Variants in CNTNAP4 observed in about 807,000 individuals in gnomAD.
CNTNAP4 encodes contactin-associated protein-like 4.
A neutral mutation model predicts 148.4 loss-of-function variants in CNTNAP4; 98 were observed. That is an observed-to-expected ratio of 0.66 (90% confidence interval 0.56 to 0.78). The LOEUF (loss-of-function observed/expected upper bound fraction) is 0.78, where lower values mean the gene tolerates loss of function less well. Among genes scored for constraint, CNTNAP4 ranks in the 30% least tolerant of loss-of-function variants. CNTNAP4 has a pLI of 0.00. For missense variants in CNTNAP4, 1,935 were observed against 1,565.6 expected, an observed-to-expected ratio of 1.24 and a Z score of -3.98; for synonymous variants, 730 against 565.1, an observed-to-expected ratio of 1.29 and a Z score of -4.14.
chr16:76,427,239 T>C (rs1597499072), intron 3 of CNTNAP4, among the ~76,000 whole-genome samples: 1 of 152,312 alleles, frequency 6.6e-6, no homozygotes, highest in East Asian at 1.9e-4. Flanking sequence ...TGGTAGAATT[T>C]AAACTCTCTT....
In CNTNAP4 at chr16:76,288,105, C is replaced by T. The variant is rs191284480; in HGVS notation, c.85+10358C>T. ...GGTGGAGATAATTGAACCATGGGGG[C>T]GGTTGTCCCCATACTGTTCTTGTTA... On this transcript the variant is annotated intron_variant, in intron 1 of 23. Coordinates refer to ENST00000611870, the MANE Select transcript of CNTNAP4 (RefSeq NM_033401.5). 7.9e-5 allele frequency among the ~76,000 whole-genome samples: 12 copies of T among 152,084 alleles called. No individual in the cohort carries two copies. In the East Asian group the frequency reaches 9.7e-4, roughly 12 times the overall value.
chr16:76,405,017 AATAG>A (rs199972458), intron 3 of CNTNAP4, among the ~76,000 whole-genome samples: 4,573 of 152,204 alleles, frequency 0.03, 217 homozygotes, highest in African/African-American at 0.1. Flanking sequence ...GTAACCTTAA[AATAG>A]ATAAATTCAA....
chr16:76,453,573 A>T (rs928812711), intron 8 of CNTNAP4, among the ~76,000 whole-genome samples: 1 of 152,214 alleles, frequency 6.6e-6, no homozygotes, highest in African/African-American at 2.4e-5. Context: ...TTACTACATT[A>T]ATTTAATAAA....
At chr16:76,382,023 T>C (rs995595911) in intron 3 of CNTNAP4, among the ~76,000 whole-genome samples, 1 of 123,660 alleles carries the variant, frequency 8.1e-6, no homozygotes, top group Non-Finnish European at 1.6e-5. Flanking sequence ...ATCGCGCCAC[T>C]GCGCTCTAGC....
chr16:76,280,829 A>G (rs1455632569), intron 1 of CNTNAP4, among the ~76,000 whole-genome samples: 2 of 152,086 alleles, frequency 1.3e-5, no homozygotes, highest in Non-Finnish European at 2.9e-5. Context: ...TTATAAATCC[A>G]GTTTTTGAAC....
intron 3 of CNTNAP4, among the ~76,000 whole-genome samples, chr16:76,423,445 T>C (rs1365137538): frequency 1.3e-5 from 2 of 152,144 alleles, no homozygotes; most frequent in Non-Finnish European, 2.9e-5. Context: ...TGACATATAC[T>C]AAAGTTCTGA....
At chr16:76,332,484 G>A (rs2144261373) in intron 2 of CNTNAP4, among the ~76,000 whole-genome samples, 1 of 152,092 alleles carries the variant, frequency 6.6e-6, no homozygotes, top group African/African-American at 2.4e-5. Context: ...GGCTGGTCTT[G>A]AACTCTTGGG....
At chr16:76,481,004 T>C (rs893825014) in intron 12 of CNTNAP4, among the ~76,000 whole-genome samples, 2 of 152,202 alleles carry the variant, frequency 1.3e-5, no homozygotes, top group African/African-American at 2.4e-5. Context: ...ATTATACTGA[T>C]TGGCTACGTA....
chr16:76,392,836 C>T (rs1190585064), intron 3 of CNTNAP4, among the ~76,000 whole-genome samples: 2 of 152,178 alleles, frequency 1.3e-5, no homozygotes, highest in Admixed American at 1.3e-4. Flanking sequence ...TCCCGAGTCT[C>T]ACAGCTTGAA....
intron 11 of CNTNAP4, among the ~76,000 whole-genome samples, chr16:76,478,694 G>A (rs541274014): frequency 3.5e-4 from 54 of 152,172 alleles, no homozygotes; most frequent in African/African-American, 1.3e-3. Context: ...GGCAAATTTA[G>A]GATTACATAA....
At chr16:76,381,192 A>G (rs1387592641) in intron 3 of CNTNAP4, among the ~76,000 whole-genome samples, 1 of 152,178 alleles carries the variant, frequency 6.6e-6, no homozygotes, top group East Asian at 1.9e-4. Context: ...AAAGATGAGA[A>G]TCTTTCTGTG....
intron 2 of CNTNAP4, among the ~76,000 whole-genome samples, chr16:76,352,330 G>A (rs1482431134): frequency 6.6e-6 from 1 of 152,138 alleles, no homozygotes; most frequent in Non-Finnish European, 1.5e-5. Flanking sequence ...TCCATCATGT[G>A]CCTATACTTC....
chr16:76,418,567 C>T (rs1288758279), intron 3 of CNTNAP4, among the ~76,000 whole-genome samples: 1 of 151,604 alleles, frequency 6.6e-6, no homozygotes, highest in African/African-American at 2.4e-5. Flanking sequence ...GAGTTTTCAT[C>T]TCTCGATTAC....
intron 1 of CNTNAP4, among the ~76,000 whole-genome samples, chr16:76,296,163 A>G (rs574736131): frequency 2.6e-5 from 4 of 152,350 alleles, no homozygotes; most frequent in East Asian, 3.9e-4. Context: ...AGGCTGATAC[A>G]AAATGTTTTC....
Position 76,449,664 on chromosome 16 carries a change from A to T in CNTNAP4, c.928-51A>T, listed in dbSNP as rs963137057. ...ATACTTGCTAATCATAATTAAGCAG[A>T]TTTTTAGAAAATCACTAAACAATAT... On this transcript the variant is annotated intron_variant, in intron 6 of 23. Coordinates refer to ENST00000611870, the MANE Select transcript of CNTNAP4 (RefSeq NM_033401.5). 13 of 1,474,874 alleles carry T rather than the reference A, an allele frequency of 8.8e-6. No individual in the cohort carries two copies. In the South Asian group the frequency reaches 1.8e-4, roughly 20 times the overall value. 91.4% of individuals were successfully genotyped at this position (1,474,874 alleles called of 1,614,324 possible).
At chr16:76,413,072 A>C (rs893078139) in intron 3 of CNTNAP4, among the ~76,000 whole-genome samples, 4 of 151,422 alleles carry the variant, frequency 2.6e-5, no homozygotes, top group Non-Finnish European at 5.9e-5. Context: ...GGATGGGGTT[A>C]TCCATTCCCT....
intron 3 of CNTNAP4, among the ~76,000 whole-genome samples, chr16:76,422,381 A>G (rs1234702454): frequency 2.0e-5 from 3 of 151,866 alleles, no homozygotes; most frequent in East Asian, 1.9e-4. Context: ...TGACTCCAAT[A>G]ATTTTGGGAA....
chr16:76,475,374 G>A (rs2081533920), intron 10 of CNTNAP4, among the ~76,000 whole-genome samples: 1 of 152,180 alleles, frequency 6.6e-6, no homozygotes, highest in Non-Finnish European at 1.5e-5. Context: ...TAGATGTTGA[G>A]TATGACAGAT....
intron 10 of CNTNAP4, among the ~76,000 whole-genome samples, chr16:76,468,106 A>G (rs1369696735): frequency 6.6e-6 from 1 of 152,194 alleles, no homozygotes; most frequent in Non-Finnish European, 1.5e-5. Context: ...AAGAGTTTCA[A>G]CAAGAGCATC....
Sources: gnomAD v4.1 joint callset for allele counts (sites outside exome capture counted in the v4.1 genomes callset) on GRCh38, gnomAD v4.1.1 for gene constraint, MANE v1.5 for transcripts, NCBI Gene and HGNC (gene_info 2026-07-23, HGNC 2026-07-21) for gene names.